PML: variants seen among roughly 807,000 people sequenced by gnomAD.
The protein encoded by PML is protein PML.
In PML, 28 loss-of-function variants were observed where a neutral mutation model predicts 65.2. The ratio of observed to expected loss-of-function variants is 0.43; its 90% confidence interval spans 0.32 to 0.59. The LOEUF (loss-of-function observed/expected upper bound fraction) is 0.59. Among genes scored for constraint, PML ranks in the 20% least tolerant of loss-of-function variants. PML has a pLI of 0.08. For synonymous variants in PML, 500 were observed against 508.8 expected, an observed-to-expected ratio of 0.98 and a Z score of 0.23; for missense variants, 1,021 against 1,203.4, an observed-to-expected ratio of 0.85 and a Z score of 2.24.
Position 74,015,613 on chromosome 15 carries a change from G to A in PML, c.603-7215G>A, listed in dbSNP as rs1440668313. 3.3e-5 allele frequency among the ~76,000 whole-genome samples: 5 copies of A among 152,344 alleles called. No individual in the cohort carries two copies. The Middle Eastern group carries it at 0.01, about 311-fold the overall frequency. ...CAGGTGCGGCTATAGTGGCCTATCT[G>A]TACTGGGGAGGGGACACCCCAAATC... On this transcript the variant is annotated intron_variant, in intron 2 of 8. Coordinates refer to ENST00000268058, the MANE Select transcript of PML (RefSeq NM_033238.3).
Position 74,035,964 on chromosome 15 carries a change from T to C in PML, c.1710+1434T>C, listed in dbSNP as rs765845760. 1 of 1,613,964 alleles carries C rather than the reference T, an allele frequency of 6.2e-7. No individual in the cohort carries two copies. Among genetic ancestry groups the C allele is most frequent in the East Asian group, 2.2e-5 (1 of 44,856 alleles). ...AGCAGGCCTCTGAGAGTGCTACCCT[T>C]CTCTTGTAACCTTGCAGCCAACACC... On this transcript the variant is annotated intron_variant, in intron 7 of 8. Coordinates refer to ENST00000268058, the MANE Select transcript of PML (RefSeq NM_033238.3). This position sits in a 1 kb window ranked among gnomAD's most constrained non-coding sequence, Gnocchi z 4.1.
At chr15:74,008,595 C>T (rs1216075531) in intron 2 of PML, among the ~76,000 whole-genome samples, 11 of 152,024 alleles carry the variant, frequency 7.2e-5, no homozygotes, top group African/African-American at 1.4e-4. Context: ...AAAAATTAGC[C>T]GGGCGTGGTG....
At chr15:74,040,605 C>T (rs575243917) in intron 7 of PML, among the ~76,000 whole-genome samples, 34 of 152,316 alleles carry the variant, frequency 2.2e-4, no homozygotes, top group African/African-American at 7.9e-4. Context: ...TGTTTAAATG[C>T]GTCAGCACTC....
In PML at chr15:73,994,895, C is replaced by A; in HGVS notation, c.83C>A (p.Thr28Asn). ...GAGCCCACCATGCCTCCCCCCGAGA[C>A]CCCCTCTGAAGGCCGCCAGCCCAGC... ...PQEPTMPPPE[T>N]PSEGRQPSPS... The change falls in exon 1 of 9, where the codon ACC becomes AAC. Residue 28 changes from threonine to asparagine, a missense_variant. Thr to Asn is a moderately conservative substitution (Grantham distance 65, BLOSUM62 0). Coordinates refer to ENST00000268058, the MANE Select transcript of PML (RefSeq NM_033238.3). 1.9e-6 allele frequency: 3 copies of A among 1,546,748 alleles called. No homozygotes were observed. The highest frequency in any genetic ancestry group is 1.7e-4 in the Middle Eastern group (1 of 5,922).
chr15:74,044,128 G>C, intron 8 of PML, 93 bp from the exon 9 acceptor site: 1 of 1,250,140 alleles, frequency 8.0e-7, no homozygotes, highest in Non-Finnish European at 1.2e-6. Context: ...GAGGTCTCTA[G>C]ATGGTGAGTC....
intron 2 of PML, among the ~76,000 whole-genome samples, chr15:74,005,765 G>C (rs2070016079): frequency 6.6e-6 from 1 of 152,198 alleles, no homozygotes; most frequent in African/African-American, 2.4e-5. Context: ...TACTTGCTCA[G>C]TTTGGCTGCT....
Position 74,043,416 on chromosome 15 carries a change from C to G in PML, c.1861+277C>G. 7.1e-7 allele frequency: 1 copy of G among 1,408,100 alleles called. No homozygotes were observed. Among genetic ancestry groups the G allele is most frequent in the Middle Eastern group, 2.6e-4 (1 of 3,784 alleles). 87.2% of individuals were successfully genotyped at this position (1,408,100 alleles called of 1,614,324 possible). On this transcript the variant is annotated intron_variant, in intron 8 of 8. Transcript: ENST00000268058. This position sits in a 1 kb window ranked among gnomAD's most constrained non-coding sequence, Gnocchi z 4.3. Reference sequence around the variant, plus strand: ...ACCAGTTCTTCTCTCAGACAGAGAGCCTGGGGAACACACTCCTAGACAGAA... The same window carrying G: ...ACCAGTTCTTCTCTCAGACAGAGAGGCTGGGGAACACACTCCTAGACAGAA...
intron 3 of PML, 119 bp downstream of exon 3, chr15:74,023,527 T>G: frequency 1.2e-6 from 1 of 855,824 alleles, no homozygotes; most frequent in Non-Finnish European, 1.9e-6. Flanking sequence ...ATTCAGTCTT[T>G]GGGGGTTGGT....
chr15:74,007,149 T>C (rs942669006), intron 2 of PML, among the ~76,000 whole-genome samples: 2 of 152,208 alleles, frequency 1.3e-5, no homozygotes, highest in Non-Finnish European at 2.9e-5. Flanking sequence ...AGATTTATGG[T>C]AGTTCTTGTT....
At chr15:74,033,442 GGGTGCTGCCCGCCAGGGTCTGGGC>G (rs1376885073) in intron 6 of PML, 28 bp downstream of exon 6, 2 of 1,611,162 alleles carry the variant, frequency 1.2e-6, no homozygotes, top group Non-Finnish European at 1.7e-6. Context: ...GCAGTGGCCT[GGGTGCTGCCCGCCAGGGTCTGGGC>G]GGTGCCCCTC....
At position 74,037,562 on chromosome 15, in the gene PML, C is replaced by T. The variant is rs2071599049; in HGVS notation, c.1710+3032C>T. On this transcript the variant is annotated intron_variant, in intron 7 of 8. Transcript: ENST00000268058. This position sits in a 1 kb window ranked among gnomAD's most constrained non-coding sequence, Gnocchi z 4.2. Reference sequence around the variant, plus strand: ...TCCTCTGCTCTCCTTGTTTACACTTCAGCCCCCTCCTTGCCCCTTCTTCAC... The same window carrying T: ...TCCTCTGCTCTCCTTGTTTACACTTTAGCCCCCTCCTTGCCCCTTCTTCAC... 1 of 985,418 alleles carries T rather than the reference C, an allele frequency of 1.0e-6. No individual in the cohort carries two copies. Among genetic ancestry groups the T allele is most frequent in the Non-Finnish European group, 1.2e-6 (1 of 829,930 alleles). The allele number at this position is 985,418 out of a possible 1,614,324, so 61.0% of individuals were successfully genotyped here.
chr15:74,042,674 G>T lies in PML; in HGVS notation c.1711-315G>T. 1.0e-6 allele frequency: 1 copy of T among 985,280 alleles called. No homozygotes were observed. 61.0% of individuals were successfully genotyped at this position (985,280 alleles called of 1,614,324 possible). ...GCAGGTTCACAGCTCACACTTAACT[G>T]TGCATGCACACACAGATTTAGCACT... On this transcript the variant is annotated intron_variant, in intron 7 of 8. Coordinates refer to ENST00000268058, the MANE Select transcript of PML (RefSeq NM_033238.3). This position sits in a 1 kb window ranked among gnomAD's most constrained non-coding sequence, Gnocchi z 5.3.
At chr15:74,033,859 A>C in intron 6 of PML, 39 of 477,414 alleles carry the variant, frequency 8.2e-5, no homozygotes, top group East Asian at 9.9e-5. Context: ...TAAGTATCTC[A>C]TTTGTCAGAG....
intron 8 of PML, 66 bp from the exon 9 acceptor site, chr15:74,044,155 C>G: frequency 1.3e-6 from 2 of 1,535,550 alleles, no homozygotes; most frequent in South Asian, 1.1e-5. Context: ...CCTAGAGGAC[C>G]CCCTGCTCCC....
Position 74,025,216 on chromosome 15 carries a change from G to A in PML, c.1254+289G>A, listed in dbSNP as rs150698513. The A allele has an allele frequency of 1.2e-3, 574 of 468,614 alleles. 3 individuals are homozygous for A. The highest frequency in any genetic ancestry group is 0.011 in the African/African-American group (542 of 50,890). 29.0% of individuals were successfully genotyped at this position (468,614 alleles called of 1,614,324 possible). Reference sequence around the variant, plus strand: ...AGACAGTCGGCCACAGATCAGGGCTGCTGCAGAGGGAATTCCAGCATTAGA... The same window carrying A: ...AGACAGTCGGCCACAGATCAGGGCTACTGCAGAGGGAATTCCAGCATTAGA... On this transcript the variant is annotated intron_variant, in intron 4 of 8. Coordinates refer to ENST00000268058, the MANE Select transcript of PML (RefSeq NM_033238.3).
rs375933686 is a variant in PML, at chr15:73,998,336, A to G, written c.462A>G (p.Ala154=). Residue 154 remains alanine, a synonymous_variant, in exon 2 of 9, where the codon GCA becomes GCG. Transcript: ENST00000268058. ...EQLLCAKCFE[A]HQWFLKHEAR... ...TCCTCTGCGCCAAGTGCTTCGAGGCACACCAGTGGTTCCTCAAGCACGAGG... is the reference window on the plus strand; with the variant it reads ...TCCTCTGCGCCAAGTGCTTCGAGGCGCACCAGTGGTTCCTCAAGCACGAGG... 13 of 1,614,076 alleles carry G rather than the reference A, an allele frequency of 8.1e-6. No homozygotes were observed. The highest frequency in any genetic ancestry group is 1.0e-5 in the Non-Finnish European group (12 of 1,180,036).
chr15:74,022,365 A>G (rs960713936), intron 2 of PML, among the ~76,000 whole-genome samples: 8 of 152,214 alleles, frequency 5.3e-5, no homozygotes. Context: ...AAATATGTAT[A>G]ACGACAATTC....
intron 4 of PML, chr15:74,025,662 T>C (rs961696573): frequency 6.6e-6 from 1 of 152,662 alleles, no homozygotes; most frequent in Admixed American, 6.5e-5. Context: ...TAGAGGCAGC[T>C]GCTCCCAACT....
intron 6 of PML, chr15:74,033,670 A>G (rs1400181768): frequency 9.1e-6 from 6 of 660,078 alleles, no homozygotes; most frequent in African/African-American, 1.8e-5. Context: ...TCTCCCAAAC[A>G]CTACTGTGCC....
Sources: gnomAD v4.1 joint callset for allele counts (sites outside exome capture counted in the v4.1 genomes callset) on GRCh38, gnomAD v4.1.1 for gene constraint, Gnocchi (gnomAD v3.1) non-coding constraint, MANE v1.5 for transcripts, NCBI Gene and HGNC (gene_info 2026-07-23, HGNC 2026-07-21) for gene names.